The following PTK2B variants were observed in gnomAD, a reference collection of about 807,000 sequenced individuals.
The protein encoded by PTK2B is protein-tyrosine kinase 2-beta.
In PTK2B, 71 loss-of-function variants were observed where a neutral mutation model predicts 142.9. That is an observed-to-expected ratio of 0.50 (90% confidence interval 0.41 to 0.61). The LOEUF (loss-of-function observed/expected upper bound fraction) is 0.61. PTK2B is among the 20% of genes least tolerant of loss of function. PTK2B has a pLI of 0.00. For missense variants in PTK2B, 1,105 were observed against 1,320.4 expected, an observed-to-expected ratio of 0.84 and a Z score of 2.53; for synonymous variants, 519 against 503.4, an observed-to-expected ratio of 1.03 and a Z score of -0.42.
chr8:27,456,387 T>C (rs921766470), intron 30 of PTK2B, among the ~76,000 whole-genome samples: 3 of 152,182 alleles, frequency 2.0e-5, no homozygotes, highest in Non-Finnish European at 2.9e-5. Context: ...GGTTGGTGAT[T>C]GGTGATTGGT....
Position 27,458,649 on chromosome 8 carries a change from T to A in PTK2B, c.*140T>A. ...CCTTGCCACTTTGCACGACGCCCTCTCCCCACCCCTACCCCTGGCTGTACT... is the reference window on the plus strand; with the variant it reads ...CCTTGCCACTTTGCACGACGCCCTCACCCCACCCCTACCCCTGGCTGTACT... On this transcript the variant is annotated 3_prime_UTR_variant, in exon 31 of 31. Transcript: ENST00000346049. The A allele has an allele frequency of 1.2e-6, 1 of 811,892 alleles. No homozygotes were observed. Among genetic ancestry groups the A allele is most frequent in the Non-Finnish European group, 2.0e-6 (1 of 511,690 alleles). 50.3% of individuals were successfully genotyped at this position (811,892 alleles called of 1,614,324 possible).
chr8:27,397,228 T>C (rs1293938206), intron 1 of PTK2B, among the ~76,000 whole-genome samples: 1 of 152,192 alleles, frequency 6.6e-6, no homozygotes, highest in Non-Finnish European at 1.5e-5. Flanking sequence ...ACAGCTGCCT[T>C]TGCTAAGGGT....
intron 2 of PTK2B, among the ~76,000 whole-genome samples, chr8:27,400,828 T>A (rs928600669): frequency 6.6e-6 from 1 of 151,998 alleles, no homozygotes; most frequent in Non-Finnish European, 1.5e-5. Flanking sequence ...GGAGAAAGAA[T>A]CTAGAGACAA....
At chr8:27,410,720 A>G (rs1258437366) in intron 2 of PTK2B, among the ~76,000 whole-genome samples, 1 of 152,244 alleles carries the variant, frequency 6.6e-6, no homozygotes, top group Non-Finnish European at 1.5e-5. Flanking sequence ...TAATTCATTC[A>G]ACCACCTTTT....
At chr8:27,399,965 C>G (rs1021676252) in intron 2 of PTK2B, among the ~76,000 whole-genome samples, 1 of 152,128 alleles carries the variant, frequency 6.6e-6, no homozygotes, top group Admixed American at 6.6e-5. Flanking sequence ...ACAGCAGTGC[C>G]CATAACTGGA....
chr8:27,416,184 A>G (rs944206374), intron 2 of PTK2B, among the ~76,000 whole-genome samples: 5 of 152,262 alleles, frequency 3.3e-5, no homozygotes, highest in Admixed American at 6.5e-5. Context: ...TGGCCAGCTG[A>G]TTCTAACATT....
intron 1 of PTK2B, among the ~76,000 whole-genome samples, chr8:27,380,039 G>A (rs1282496654): frequency 1.3e-5 from 2 of 152,188 alleles, no homozygotes; most frequent in Non-Finnish European, 1.5e-5. Context: ...ACTGCACCTG[G>A]CCCTGTGCTT....
chr8:27,399,819 C>T (rs1348951741), intron 2 of PTK2B, among the ~76,000 whole-genome samples: 1 of 152,220 alleles, frequency 6.6e-6, no homozygotes, highest in Non-Finnish European at 1.5e-5. Context: ...GCCACTTAGA[C>T]TTCTAGCCAA....
intron 1 of PTK2B, among the ~76,000 whole-genome samples, chr8:27,355,027 G>C (rs1018451239): frequency 6.6e-6 from 1 of 152,178 alleles, no homozygotes; most frequent in African/African-American, 2.4e-5. Flanking sequence ...TAACTCCCCA[G>C]ACTATACTTT....
At chr8:27,333,164 G>A (rs746623795) in intron 1 of PTK2B, among the ~76,000 whole-genome samples, 11 of 152,164 alleles carry the variant, frequency 7.2e-5, no homozygotes, top group Non-Finnish European at 1.5e-4. Context: ...TCAAAGAAGA[G>A]TATAAATAAC....
At chr8:27,356,135 G>A (rs947309355) in intron 1 of PTK2B, among the ~76,000 whole-genome samples, 3 of 152,138 alleles carry the variant, frequency 2.0e-5, no homozygotes, top group Non-Finnish European at 4.4e-5. Flanking sequence ...CACTGTTCAA[G>A]TAAGAAAACA....
intron 7 of PTK2B, 25 bp downstream of exon 7, chr8:27,430,443 C>A: frequency 6.2e-7 from 1 of 1,613,080 alleles, no homozygotes; most frequent in Non-Finnish European, 8.5e-7. Flanking sequence ...GGGCGAGGAC[C>A]TCTTCGTGCT....
intron 1 of PTK2B, among the ~76,000 whole-genome samples, chr8:27,370,708 G>C (rs1342189356): frequency 1.3e-5 from 2 of 152,248 alleles, no homozygotes; most frequent in African/African-American, 4.8e-5. Context: ...TTCTACCCAG[G>C]CCCAAGTGTG....
chr8:27,451,382 C>G, intron 26 of PTK2B, 103 bp from the exon 27 acceptor site: 12 of 1,558,610 alleles, frequency 7.7e-6, no homozygotes, highest in African/African-American at 1.3e-5. Context: ...TGGCTGTAAT[C>G]TCTAAACACA....
chr8:27,378,305 C>T (rs1466828253), intron 1 of PTK2B, among the ~76,000 whole-genome samples: 1 of 152,196 alleles, frequency 6.6e-6, no homozygotes, highest in African/African-American at 2.4e-5. Context: ...CTTAAGGAAT[C>T]TTGGGCTATG....
rs530591420 is a variant in PTK2B at position 27,436,197 on chromosome 8, C to G, written c.1244-54C>G. The stretch of plus-strand genomic sequence containing the variant: ...TAGAGCCTGCAGACACTCAGGTTCC[C>G]TAGGGGATACCACCGATCTCTGTGA... On this transcript the variant is annotated intron_variant, in intron 14 of 30. Coordinates refer to ENST00000346049, the MANE Select transcript of PTK2B (RefSeq NM_173176.3). The G allele has an allele frequency of 3.8e-4, 596 of 1,572,402 alleles. 4 individuals are homozygous for G. The South Asian group carries it at 6.3e-3, about 17-fold the overall frequency.
At chr8:27,315,482 C>T (rs980303476) in intron 3 of PTK2B, among the ~76,000 whole-genome samples, 4 of 152,098 alleles carry the variant, frequency 2.6e-5, no homozygotes, top group African/African-American at 9.7e-5. Context: ...TAGCCCTCTC[C>T]CCTCCCCCCA....
At chr8:27,403,907 CCT>C (rs1808539701) in intron 2 of PTK2B, among the ~76,000 whole-genome samples, 1 of 151,146 alleles carries the variant, frequency 6.6e-6, no homozygotes, top group African/African-American at 2.4e-5. Flanking sequence ...TCCTCCTCCT[CCT>C]CTTCTTTCTC....
At chr8:27,351,222 A>G (rs917962194) in intron 1 of PTK2B, among the ~76,000 whole-genome samples, 1 of 150,248 alleles carries the variant, frequency 6.7e-6, no homozygotes, top group Non-Finnish European at 1.5e-5. Flanking sequence ...AAATATATAT[A>G]TATTTCACAA....
Sources: gnomAD v4.1 joint callset for allele counts (sites outside exome capture counted in the v4.1 genomes callset) on GRCh38, gnomAD v4.1.1 for gene constraint, MANE v1.5 for transcripts, NCBI Gene and HGNC (gene_info 2026-07-23, HGNC 2026-07-21) for gene names.